TICRR: variants seen among roughly 807,000 people sequenced by gnomAD.
TICRR encodes the protein treslin.
Under a neutral mutation model 178.1 loss-of-function variants are expected in TICRR, and 132 were observed. That is an observed-to-expected ratio of 0.74 (90% CI 0.64 to 0.86). The LOEUF is 0.86. Among genes scored for constraint, TICRR ranks in the 40% least tolerant of loss-of-function variants. TICRR has a pLI of 0.00. For missense variants in TICRR, 2,587 were observed against 2,334.3 expected (o/e 1.11, Z -2.23); for synonymous variants, 991 against 900.7 (o/e 1.10, Z -1.79).
Position 89,595,559 on chromosome 15 carries a change from A to G in TICRR, c.1848A>G (p.Thr616=), listed in dbSNP as rs1423657261. 6.2e-7 allele frequency: 1 copy of G among 1,614,242 alleles called. No individual in the cohort carries two copies. Among genetic ancestry groups the G allele is most frequent in the Non-Finnish European group, 8.5e-7 (1 of 1,180,050 alleles). The change falls in exon 7 of 22, where the codon ACA becomes ACG. Residue 616 remains threonine (T), a synonymous_variant. Coordinates refer to ENST00000268138, the MANE Select transcript of TICRR (RefSeq NM_152259.4). ...KGIQKIPSGR[T]VDKLEDRGRT... is the part of the protein sequence containing the mutation. ...TCCAAAAGATACCTAGTGGGAGAACAGTGGATAAATTGGAAGACAGAGGAA... is the reference window on the plus strand; with the variant it reads ...TCCAAAAGATACCTAGTGGGAGAACGGTGGATAAATTGGAAGACAGAGGAA...
intron 1 of TICRR, among the ~76,000 whole-genome samples, chr15:89,579,177 T>C (rs929035181): frequency 1.3e-5 from 2 of 152,214 alleles, no homozygotes; most frequent in African/African-American, 2.4e-5. Flanking sequence ...CTGCCAGGTA[T>C]GCTAAGGAAT....
chr15:89,603,920 G>T (rs1283189678), intron 13 of TICRR, among the ~76,000 whole-genome samples: 2 of 151,994 alleles, frequency 1.3e-5, no homozygotes, highest in Admixed American at 1.3e-4. Flanking sequence ...ACCCATTTTG[G>T]GGCCATGGTT....
intron 7 of TICRR, among the ~76,000 whole-genome samples, chr15:89,596,012 G>A (rs1962993169): frequency 6.6e-6 from 1 of 152,112 alleles, no homozygotes; most frequent in Non-Finnish European, 1.5e-5. Flanking sequence ...AAAGGTGTGT[G>A]AAATGTGCTT....
rs772615366 is a variant in TICRR, at chr15:89,624,098, A to G, written c.3788A>G (p.Asn1263Ser). Residue 1263 changes from asparagine to serine, a missense_variant, in exon 20 of 22, where the codon AAT becomes AGT. Coordinates refer to ENST00000268138, the MANE Select transcript of TICRR (RefSeq NM_152259.4). ...RAAAFMGTPQ[N>S]QTHQQPHVLR... The stretch of plus-strand genomic sequence containing the variant: ...GCAGCCTTCATGGGCACGCCTCAGA[A>G]TCAAACACACCAACAGCCCCATGTC... The G allele has an allele frequency of 8.7e-6, 14 of 1,613,978 alleles. No homozygotes were observed. The highest frequency in any genetic ancestry group is 1.2e-5 in the Non-Finnish European group (14 of 1,180,000).
chr15:89,585,741 C>G lies in TICRR; in HGVS notation c.1210C>G (p.Pro404Ala), dbSNP rs532927184. The change falls in exon 4 of 22, where the codon CCC becomes GCC. Residue 404 changes from proline to alanine, a missense_variant. Pro to Ala is a conservative substitution (Grantham distance 27). Coordinates refer to ENST00000268138, the MANE Select transcript of TICRR (RefSeq NM_152259.4). ...TGTGGACCCTGGTGAAGGCCGGCCC[C>G]CCATCACTGGAGTTATTTCCCCACT... is the stretch of plus-strand genomic sequence containing the variant. ...ADVDPGEGRP[P>A]ITGVISPLSA... The G allele has an allele frequency of 1.2e-6, 2 of 1,614,120 alleles. No homozygotes were observed. The highest frequency in any genetic ancestry group is 4.5e-5 in the East Asian group (2 of 44,886).
intron 7 of TICRR, 148 bp from the exon 8 acceptor site, chr15:89,599,176 G>T: frequency 8.7e-6 from 2 of 230,184 alleles, no homozygotes; most frequent in Non-Finnish European, 8.1e-6. Flanking sequence ...AGCCACCCCC[G>T]CCCCCACCAC....
chr15:89,592,021 C>T (rs769118214), intron 4 of TICRR, 26 bp from the exon 5 acceptor site: 3 of 1,591,366 alleles, frequency 1.9e-6, no homozygotes, highest in African/African-American at 2.7e-5. Flanking sequence ...GTTTCCTCTC[C>T]TGCCGCTGCT....
At chr15:89,612,559 T>C (rs1460840957) in intron 15 of TICRR, among the ~76,000 whole-genome samples, 1 of 152,246 alleles carries the variant, frequency 6.6e-6, no homozygotes, top group Non-Finnish European at 1.5e-5. Context: ...AGCCAGTTCA[T>C]GCACATCATT....
chr15:89,625,664 G>T lies in TICRR; in HGVS notation c.5354G>T (p.Arg1785Leu). ...CTGTTGGCCAAGGAAGAAGCTGACC[G>T]TGGAGCCAAAAGGATCTGTGACCTG... is the stretch of plus-strand genomic sequence containing the variant. ...RVLLAKEEAD[R>L]GAKRICDLRE... is the part of the protein sequence containing the mutation. The change falls in exon 20 of 22, where the codon CGT becomes CTT. Residue 1785 changes from arginine (R) to leucine (L), a missense_variant. By Grantham distance (102) the Arg-to-Leu change is moderately radical (BLOSUM62 -2). Coordinates refer to ENST00000268138, the MANE Select transcript of TICRR (RefSeq NM_152259.4). The T allele has an allele frequency of 6.2e-7, 1 of 1,613,762 alleles. No individual in the cohort carries two copies. The highest frequency in any genetic ancestry group is 8.5e-7 in the Non-Finnish European group (1 of 1,180,036).
intron 15 of TICRR, among the ~76,000 whole-genome samples, chr15:89,609,498 TCTCA>T (rs1238849656): frequency 1.3e-5 from 2 of 151,750 alleles, no homozygotes; most frequent in African/African-American, 2.4e-5. Flanking sequence ...TGAGTCAGAG[TCTCA>T]CTCACTCTGT....
In TICRR at chr15:89,603,654, A is replaced by C. The variant is rs1042632050; in HGVS notation, c.2664+762A>C. On this transcript the variant is annotated intron_variant, in intron 13 of 21. Transcript: ENST00000268138. ...TTGAAAAAGATGATGACCATCATGGAGCCAGGAGGTGGAGTAGTCGCCCCT... is the reference window on the plus strand; with the variant it reads ...TTGAAAAAGATGATGACCATCATGGCGCCAGGAGGTGGAGTAGTCGCCCCT... Among the ~76,000 whole-genome samples, 3 of 152,348 alleles carry C rather than the reference A, an allele frequency of 2.0e-5. No individual in the cohort carries two copies. In the East Asian group the frequency reaches 5.8e-4, roughly 29 times the overall value.
intron 5 of TICRR, among the ~76,000 whole-genome samples, chr15:89,592,382 C>A (rs1427359284): frequency 6.6e-6 from 1 of 151,812 alleles, no homozygotes; most frequent in Non-Finnish European, 1.5e-5. Context: ...TATATACCTG[C>A]CAAAAATTCT....
At chr15:89,581,002 C>T (rs192222850) in intron 1 of TICRR, among the ~76,000 whole-genome samples, 3 of 152,206 alleles carry the variant, frequency 2.0e-5, no homozygotes, top group Non-Finnish European at 4.4e-5. Context: ...TACCACTGCA[C>T]TCCAGCCTGG....
Position 89,606,754 on chromosome 15 carries a change from T to C in TICRR, c.2665-14T>C, listed in dbSNP as rs757262841. On this transcript the variant is annotated splice_polypyrimidine_tract_variant and intron_variant, in intron 13 of 21. Coordinates refer to ENST00000268138, the MANE Select transcript of TICRR (RefSeq NM_152259.4). ...CCTATTTAAATTTTCTTTCTGGATT[T>C]TCTCATGTTTCAGGAGAACTCTCAC... The C allele has an allele frequency of 9.3e-6, 15 of 1,613,112 alleles. No individual in the cohort carries two copies. The highest frequency in any genetic ancestry group is 1.3e-5 in the Non-Finnish European group (15 of 1,179,292).
chr15:89,591,572 A>C (rs1191814417), intron 4 of TICRR: 2 of 152,262 alleles, frequency 1.3e-5, no homozygotes, highest in Admixed American at 1.3e-4. Context: ...TTTACTAAAA[A>C]TAAAAAATGA....
At chr15:89,614,783 CAGTGGTCTT>C (rs1390135225) in intron 15 of TICRR, among the ~76,000 whole-genome samples, 2 of 152,232 alleles carry the variant, frequency 1.3e-5, no homozygotes, top group Non-Finnish European at 2.9e-5. Flanking sequence ...AGCCTCTGCT[CAGTGGTCTT>C]AGTGGTCAAC....
chr15:89,589,515 C>T lies in TICRR; in HGVS notation c.1412-2532C>T, dbSNP rs185838192. Reference sequence around the variant, plus strand: ...GAGGTGCAGGTAACTCTGAGGGGCACTCTCTTTCCATGCAGAGGGAGGCTT... The same window carrying T: ...GAGGTGCAGGTAACTCTGAGGGGCATTCTCTTTCCATGCAGAGGGAGGCTT... On this transcript the variant is annotated intron_variant, in intron 4 of 21. Transcript: ENST00000268138. 1.7e-3 allele frequency among the ~76,000 whole-genome samples: 258 copies of T among 152,264 alleles called. 2 individuals carry two copies. The highest frequency in any genetic ancestry group is 6.0e-3 in the African/African-American group (249 of 41,542).
chr15:89,625,897 G>T lies in TICRR; in HGVS notation c.5477-39G>T, dbSNP rs1383596145. The T allele has an allele frequency of 2.6e-6, 4 of 1,545,024 alleles. No homozygotes were observed. The African/African-American group carries it at 4.1e-5, about 16-fold the overall frequency. ...GGAGGCCTGGGCTTCCCGGTTGGGG[G>T]TCTGGGGACGCTGCTCTTACTATGT... On this transcript the variant is annotated intron_variant, in intron 20 of 21. Coordinates refer to ENST00000268138, the MANE Select transcript of TICRR (RefSeq NM_152259.4).
intron 21 of TICRR, among the ~76,000 whole-genome samples, chr15:89,626,282 G>A (rs908434783): frequency 3.3e-5 from 5 of 152,112 alleles, no homozygotes; most frequent in South Asian, 2.1e-4. Flanking sequence ...AAAATTCCTC[G>A]GTCCTCCTGA....
Sources: gnomAD v4.1 joint callset for allele counts (sites outside exome capture counted in the v4.1 genomes callset) on GRCh38, gnomAD v4.1.1 for gene constraint, MANE v1.5 for transcripts, NCBI Gene and HGNC (gene_info 2026-07-23, HGNC 2026-07-21) for gene names.